The following IGFL2 variants were observed in gnomAD, a reference collection of about 807,000 sequenced individuals.
IGFL2 encodes IGF like family member 2.
In IGFL2, 7 loss-of-function variants were observed where a neutral mutation model predicts 13.9. The ratio of observed to expected loss-of-function variants is 0.51; its 90% confidence interval spans 0.29 to 0.95. The LOEUF is 0.95. Ranked by LOEUF, IGFL2 falls within the 40% of genes least tolerant of loss-of-function variation. The pLI, the probability that IGFL2 is intolerant of heterozygous loss-of-function variation, is 0.08. For synonymous variants in IGFL2, 55 were observed against 55.8 expected, an observed-to-expected ratio of 0.99 and a Z score of 0.07; for missense variants, 138 against 147.8, an observed-to-expected ratio of 0.93 and a Z score of 0.34.
At chr19:46,096,144 A>G in the IGFL2 span, among the ~76,000 whole-genome samples, 1 of 152,174 alleles carries the variant, frequency 6.6e-6, no homozygotes. Flanking sequence ...GATTCTTCCT[A>G]TCCACAAGTG....
chr19:46,187,880 C>G, the IGFL2 span, among the ~76,000 whole-genome samples: 1 of 147,786 alleles, frequency 6.8e-6, no homozygotes, highest in African/African-American at 2.5e-5. Flanking sequence ...TGAGGTTGTG[C>G]TGCTGGTGTG....
the IGFL2 span, among the ~76,000 whole-genome samples, chr19:46,094,755 CACTT>C: frequency 2.0e-5 from 3 of 152,298 alleles, no homozygotes; most frequent in South Asian, 2.1e-4. Context: ...GTTCAGCTCT[CACTT>C]ACAAGTGAGA....
chr19:46,156,754 A>G (rs1239645708), intron 1 of IGFL2, among the ~76,000 whole-genome samples: 1 of 152,096 alleles, frequency 6.6e-6, no homozygotes, highest in African/African-American at 2.4e-5. Flanking sequence ...AGCAAAATAA[A>G]CCCAAAGCAA....
chr19:46,164,960 T>A (rs1376505489), downstream of IGFL2, among the ~76,000 whole-genome samples: 1 of 152,218 alleles, frequency 6.6e-6, no homozygotes, highest in Non-Finnish European at 1.5e-5. Context: ...ATAGATATGG[T>A]GTAGGCCTAA....
chr19:46,130,742 TC>T, the IGFL2 span, among the ~76,000 whole-genome samples: 3 of 152,190 alleles, frequency 2.0e-5, no homozygotes, highest in African/African-American at 7.2e-5. Context: ...GATGTATAGT[TC>T]CTTTTCTGTA....
the IGFL2 span, among the ~76,000 whole-genome samples, chr19:46,122,557 A>C: frequency 6.6e-6 from 1 of 151,116 alleles, no homozygotes; most frequent in Non-Finnish European, 1.5e-5. Flanking sequence ...AGAAAATGAC[A>C]GATTTTTTTG....
chr19:46,108,287 C>T, the IGFL2 span, among the ~76,000 whole-genome samples: 4 of 151,912 alleles, frequency 2.6e-5, no homozygotes, highest in South Asian at 2.1e-4. Flanking sequence ...AGGGAGGAAC[C>T]GAGGTGTAAA....
At chr19:46,176,479 T>C in the IGFL2 span, among the ~76,000 whole-genome samples, 1 of 152,102 alleles carries the variant, frequency 6.6e-6, no homozygotes, top group African/African-American at 2.4e-5. Context: ...AAATGAGCTT[T>C]TATAATCTTG....
intron 1 of IGFL2, among the ~76,000 whole-genome samples, chr19:46,156,858 T>G (rs1369720057): frequency 1.3e-5 from 2 of 152,130 alleles, no homozygotes; most frequent in Admixed American, 1.3e-4. Context: ...AGTTAATTCT[T>G]TGAAAAGATC....
the IGFL2 span, chr19:46,137,112 G>T: frequency 6.2e-7 from 1 of 1,608,672 alleles, no homozygotes; most frequent in Non-Finnish European, 8.5e-7. Context: ...CCTAGGGTTG[G>T]GTTTGGCCCA....
At chr19:46,107,262 G>A in the IGFL2 span, among the ~76,000 whole-genome samples, 2 of 151,984 alleles carry the variant, frequency 1.3e-5, no homozygotes, top group African/African-American at 4.8e-5. Flanking sequence ...GTTACCTAAA[G>A]CTGTGATGGT....
the IGFL2 span, chr19:46,137,113 G>A: frequency 1.2e-6 from 2 of 1,608,814 alleles, no homozygotes; most frequent in South Asian, 1.1e-5. Flanking sequence ...CTAGGGTTGG[G>A]TTTGGCCCAG....
At chr19:46,078,574 C>T in the IGFL2 span, among the ~76,000 whole-genome samples, 1 of 152,244 alleles carries the variant, frequency 6.6e-6, no homozygotes, top group African/African-American at 2.4e-5. Context: ...CTCCCTAACC[C>T]ATTGGTCTTT....
At chr19:46,107,252 G>A in the IGFL2 span, among the ~76,000 whole-genome samples, 1 of 152,178 alleles carries the variant, frequency 6.6e-6, no homozygotes, top group Non-Finnish European at 1.5e-5. Context: ...CACTGTAAGA[G>A]TTACCTAAAG....
chr19:46,138,360 TC>T (rs1277742965), upstream of IGFL2, among the ~76,000 whole-genome samples: 1 of 152,150 alleles, frequency 6.6e-6, no homozygotes, highest in Non-Finnish European at 1.5e-5. Flanking sequence ...CATGGCTTTG[TC>T]CCCTGGATCT....
chr19:46,145,598 ATATGTGTGTGTGTGTGTGTGTGTG>A (rs1409537586), upstream of IGFL2, among the ~76,000 whole-genome samples: 2 of 138,382 alleles, frequency 1.4e-5, no homozygotes, highest in Non-Finnish European at 3.1e-5. Flanking sequence ...ACACTCATAT[ATATGTGTGTGTGTGTGTGTGTGTG>A]TGTGTGTGTG....
chr19:46,165,639 A>G (rs1974364190), downstream of IGFL2, among the ~76,000 whole-genome samples: 1 of 152,254 alleles, frequency 6.6e-6, no homozygotes, highest in Non-Finnish European at 1.5e-5. Context: ...TTACCTCCTC[A>G]TGCAAGAGGG....
At chr19:46,081,156 G>C in the IGFL2 span, among the ~76,000 whole-genome samples, 1 of 152,322 alleles carries the variant, frequency 6.6e-6, no homozygotes, top group East Asian at 1.9e-4. Context: ...GGGAGCCTTA[G>C]ATACATAACG....
At chr19:46,185,211 C>G in the IGFL2 span, among the ~76,000 whole-genome samples, 1 of 152,180 alleles carries the variant, frequency 6.6e-6, no homozygotes, top group African/African-American at 2.4e-5. Context: ...TCTGTTCACT[C>G]TGCTGATAGT....
Sources: gnomAD v4.1 joint callset for allele counts (sites outside exome capture counted in the v4.1 genomes callset) on GRCh38, gnomAD v4.1.1 for gene constraint, MANE v1.5 for transcripts, NCBI Gene and HGNC (gene_info 2026-07-23, HGNC 2026-07-21) for gene names.